Variants in PPP2R2B observed in about 807,000 individuals in gnomAD.
PPP2R2B encodes the protein serine/threonine-protein phosphatase 2A 55 kDa regulatory subunit B beta isoform.
Under a neutral mutation model 46.0 loss-of-function variants are expected in PPP2R2B, and 5 were observed. The ratio of observed to expected loss-of-function variants is 0.11; its 90% confidence interval spans 0.06 to 0.23. The LOEUF is 0.23. PPP2R2B is among the 10% of genes least tolerant of loss of function. The probability of loss-of-function intolerance (pLI) is 1.00; values close to 1 mark genes in which losing one functional copy is unlikely to be tolerated. For synonymous variants in PPP2R2B, 215 were observed against 206.7 expected (o/e 1.04, Z -0.34); for missense variants, 367 against 575.0 (o/e 0.64, Z 3.70).
intron 2 of PPP2R2B, among the ~76,000 whole-genome samples, chr5:146,750,555 C>A (rs2151235939): frequency 6.6e-6 from 1 of 152,252 alleles, no homozygotes; most frequent in Middle Eastern, 3.4e-3. Flanking sequence ...CAGAATATTT[C>A]TGTACTGTAA....
intron 1 of PPP2R2B, among the ~76,000 whole-genome samples, chr5:147,015,662 C>T (rs1754973123): frequency 6.6e-6 from 1 of 151,468 alleles, no homozygotes; most frequent in South Asian, 2.1e-4. Context: ...TGCATGCCTT[C>T]ACAGTGTGAC....
intron 1 of PPP2R2B, among the ~76,000 whole-genome samples, chr5:146,938,569 A>G (rs539636495): frequency 2.2e-4 from 34 of 152,268 alleles, no homozygotes; most frequent in Middle Eastern, 3.4e-3. Flanking sequence ...CAGGTAATAA[A>G]GTATTTGTTA....
intron 7 of PPP2R2B, among the ~76,000 whole-genome samples, chr5:146,609,550 AC>A (rs1375636212): frequency 6.6e-6 from 1 of 151,794 alleles, no homozygotes; most frequent in Admixed American, 6.6e-5. Flanking sequence ...GACGCAGAAG[AC>A]GGGTGATTTC....
intron 1 of PPP2R2B, among the ~76,000 whole-genome samples, chr5:146,899,025 G>T (rs1762737512): frequency 6.6e-6 from 1 of 151,422 alleles, no homozygotes; most frequent in African/African-American, 2.4e-5. Context: ...CACTGTTGGT[G>T]GGACTGTAAA....
chr5:146,854,399 G>C (rs1364749703), intron 2 of PPP2R2B, among the ~76,000 whole-genome samples: 2 of 152,074 alleles, frequency 1.3e-5, no homozygotes, highest in Non-Finnish European at 1.5e-5. Context: ...ATCACCTTGA[G>C]TATTTATTAT....
At chr5:146,766,676 G>A (rs1561889782) in intron 2 of PPP2R2B, among the ~76,000 whole-genome samples, 1 of 152,150 alleles carries the variant, frequency 6.6e-6, no homozygotes, top group African/African-American at 2.4e-5. Flanking sequence ...AGTTCTCAAA[G>A]TCTCACAGAC....
chr5:146,735,855 T>C (rs1220269424), intron 2 of PPP2R2B, among the ~76,000 whole-genome samples: 2 of 152,188 alleles, frequency 1.3e-5, no homozygotes, highest in African/African-American at 4.8e-5. Context: ...GATTTGATGA[T>C]GATAACCTAT....
chr5:146,990,911 A>G (rs1187628081), intron 1 of PPP2R2B, among the ~76,000 whole-genome samples: 1 of 152,118 alleles, frequency 6.6e-6, no homozygotes, highest in Non-Finnish European at 1.5e-5. Flanking sequence ...TAGGCAAAAA[A>G]CATGAATAGA....
In PPP2R2B at chr5:146,886,804, A is replaced by G. The variant is rs570487541; in HGVS notation, c.79+168861T>C. 3.9e-5 allele frequency among the ~76,000 whole-genome samples: 6 copies of G among 152,028 alleles called. No individual in the cohort carries two copies. The South Asian group carries it at 1.2e-3, about 32-fold the overall frequency. On this transcript the variant is annotated intron_variant, in intron 1 of 8. Transcript: ENST00000336640. ...ACATGCATCATTTTAGATTTTTTAG[A>G]TTATCATTTTAAACTTTTTTAGTAA...
chr5:146,784,021 A>G (rs1755692384), intron 2 of PPP2R2B, among the ~76,000 whole-genome samples: 1 of 152,214 alleles, frequency 6.6e-6, no homozygotes, highest in Non-Finnish European at 1.5e-5. Flanking sequence ...AAGGAAGCAG[A>G]AGCACCGAAA....
At chr5:146,842,945 T>C (rs1371870382) in intron 2 of PPP2R2B, among the ~76,000 whole-genome samples, 2 of 152,216 alleles carry the variant, frequency 1.3e-5, no homozygotes, top group African/African-American at 4.8e-5. Context: ...TCCCAGAACT[T>C]TGGGAGGCCG....
chr5:146,696,965 T>A (rs1779213467), intron 4 of PPP2R2B, among the ~76,000 whole-genome samples: 1 of 152,252 alleles, frequency 6.6e-6, no homozygotes, highest in Non-Finnish European at 1.5e-5. Context: ...AAATTAATCA[T>A]GATGAACCTT....
chr5:146,708,072 T>C (rs1045690709), intron 2 of PPP2R2B, among the ~76,000 whole-genome samples: 1 of 152,184 alleles, frequency 6.6e-6, no homozygotes, highest in Non-Finnish European at 1.5e-5. Context: ...AATTTATATA[T>C]AGGCTGGGCA....
At chr5:146,698,320 ATATATATAT>A (rs1561841560) in intron 3 of PPP2R2B, among the ~76,000 whole-genome samples, 176 bp from the exon 4 acceptor site, 63 of 71,596 alleles carry the variant, frequency 8.8e-4, no homozygotes, top group Admixed American at 2.7e-3. Context: ...AAAAAAAAAT[ATATATATAT>A]ATATATATAT....
intron 2 of PPP2R2B, among the ~76,000 whole-genome samples, chr5:147,076,831 T>A (rs923781060): frequency 6.6e-6 from 1 of 152,088 alleles, no homozygotes; most frequent in Admixed American, 6.6e-5. Context: ...TTGATTTATC[T>A]TTACAACCCT....
chr5:146,897,956 G>A (rs371082117), intron 1 of PPP2R2B, among the ~76,000 whole-genome samples: 2 of 152,184 alleles, frequency 1.3e-5, no homozygotes, highest in African/African-American at 2.4e-5. Context: ...TTGGGAGGCC[G>A]AGGCAGGTGG....
At chr5:146,785,596 G>A (rs1376185284) in intron 2 of PPP2R2B, among the ~76,000 whole-genome samples, 1 of 152,050 alleles carries the variant, frequency 6.6e-6, no homozygotes, top group African/African-American at 2.4e-5. Flanking sequence ...TTAAGTTGGT[G>A]AAACAAGAAA....
At chr5:146,736,354 C>T (rs77390459) in intron 2 of PPP2R2B, among the ~76,000 whole-genome samples, 1,889 of 152,230 alleles carry the variant, frequency 0.012, 21 homozygotes, top group Admixed American at 0.024. Flanking sequence ...AACAACTGAG[C>T]GTTATGCCCT....
At position 147,031,234 on chromosome 5, in the gene PPP2R2B, C is replaced by CA. The variant is rs545505988; in HGVS notation, c.79+24430dup. ...CCTGGGCAACAGCGAGACTCCACCT[C>CA]AAAAAAAAAAAATCTTTATTTTGCT... On this transcript the variant is annotated intron_variant, in intron 1 of 8. Transcript: ENST00000336640. Among the ~76,000 whole-genome samples the CA allele has an allele frequency of 3.2e-3, 447 of 141,060 alleles. 8 individuals carry two copies. In the South Asian group the frequency reaches 0.043, roughly 13 times the overall value. 92.5% of individuals were successfully genotyped at this position (141,060 alleles called of 152,430 possible). A position where few individuals can be genotyped will look rare whatever the true frequency, so the allele number is the denominator to read the frequency against.
Sources: allele counts gnomAD v4.1 joint callset (sites outside exome capture counted in the v4.1 genomes callset), GRCh38; gene constraint gnomAD v4.1.1; transcripts MANE v1.5; gene names NCBI Gene and HGNC (gene_info 2026-07-23, HGNC 2026-07-21).